The following JAKMIP1 variants were observed in gnomAD, a reference collection of about 807,000 sequenced individuals.
JAKMIP1 encodes janus kinase and microtubule interacting protein 1, also known as janus kinase and microtubule-interacting protein 1.
A neutral mutation model predicts 113.0 loss-of-function variants in JAKMIP1; 33 were observed. The ratio of observed to expected loss-of-function variants is 0.29; its 90% confidence interval spans 0.22 to 0.39. JAKMIP1 has a LOEUF of 0.39. JAKMIP1 is among the 10% of genes least tolerant of loss of function. The probability of loss-of-function intolerance (pLI) is 1.00; values close to 1 mark genes in which losing one functional copy is unlikely to be tolerated. For missense variants in JAKMIP1, 813 were observed against 1,080.5 expected (o/e 0.75, Z 3.47); for synonymous variants, 480 against 459.9 (o/e 1.04, Z -0.56).
chr4:6,193,327 GA>G lies in JAKMIP1; in HGVS notation c.-148+6925del, dbSNP rs1343212996. On this transcript the variant is annotated intron_variant, in intron 1 of 20. Transcript: ENST00000409021. The surrounding 1 kb of genome is among the most constrained non-coding windows in gnomAD (Gnocchi z 6.4). ...TGGTTTCTTTGCTCCTCAACTTGCAGACAGCCCATCGTGAGACTTTACCTTG... is the reference window on the plus strand; with the variant it reads ...TGGTTTCTTTGCTCCTCAACTTGCAGCAGCCCATCGTGAGACTTTACCTTG... Among the ~76,000 whole-genome samples the G allele has an allele frequency of 6.6e-6, 1 of 152,156 alleles. No individual in the cohort carries two copies. Among genetic ancestry groups the G allele is most frequent in the African/African-American group, 2.4e-5 (1 of 41,432 alleles).
chr4:6,030,341 C>G (rs1221382163), intron 19 of JAKMIP1, among the ~76,000 whole-genome samples: 1 of 152,138 alleles, frequency 6.6e-6, no homozygotes, highest in African/African-American at 2.4e-5. Flanking sequence ...GCACGTGGTA[C>G]CAGGGTGACC....
In JAKMIP1 at chr4:6,094,517, C is replaced by A. The variant is rs182633919; in HGVS notation, c.625-8888G>T. 3.2e-3 allele frequency among the ~76,000 whole-genome samples: 485 copies of A among 152,328 alleles called. 1 individual carries two copies. The highest frequency in any genetic ancestry group is 4.4e-3 in the Non-Finnish European group (302 of 68,028). ...TCCGGGGCCCCTGGGGTCTCAGGAA[C>A]TGCGGGCACCCAGCCTAGGCTGGTC... On this transcript the variant is annotated intron_variant, in intron 3 of 20. Coordinates refer to ENST00000409021, the MANE Select transcript of JAKMIP1 (RefSeq NM_001099433.2). This position sits in a 1 kb window ranked among gnomAD's most constrained non-coding sequence, Gnocchi z 4.2.
Position 6,141,572 on chromosome 4 carries a change from T to C in JAKMIP1, c.-147-28575A>G, listed in dbSNP as rs1002454230. Among the ~76,000 whole-genome samples, 1 of 152,234 alleles carries C rather than the reference T, an allele frequency of 6.6e-6. No individual in the cohort carries two copies. Among genetic ancestry groups the C allele is most frequent in the African/African-American group, 2.4e-5 (1 of 41,464 alleles). On this transcript the variant is annotated intron_variant, in intron 1 of 20. Coordinates refer to ENST00000409021, the MANE Select transcript of JAKMIP1 (RefSeq NM_001099433.2). This position sits in a 1 kb window ranked among gnomAD's most constrained non-coding sequence, Gnocchi z 9.4. The stretch of plus-strand genomic sequence containing the variant: ...TCCTTAGGACCCCCATAAATAATTT[T>C]ATGGGCAACAGCACCTATGCCCCAG...
chr4:6,026,412 A>C, intron 20 of JAKMIP1, 134 bp from the exon 21 acceptor site: 1 of 622,618 alleles, frequency 1.6e-6, no homozygotes, highest in South Asian at 2.1e-5. Flanking sequence ...GTTCGGAAAG[A>C]GAAATGGGAA....
chr4:6,062,209 T>C, intron 10 of JAKMIP1, 103 bp downstream of exon 10: 1 of 1,254,846 alleles, frequency 8.0e-7, no homozygotes. Context: ...CCTCTCAGAA[T>C]CCCCTCTGAG....
rs768265483 is a variant in JAKMIP1, at chr4:6,043,738, C to T, written c.2029-1511G>A. Among the ~76,000 whole-genome samples the T allele has an allele frequency of 1.7e-3, 262 of 150,520 alleles. 3 individuals are homozygous for T. The highest frequency in any genetic ancestry group is 1.2e-3 in the Non-Finnish European group (82 of 67,710). On this transcript the variant is annotated intron_variant, in intron 16 of 20. Coordinates refer to ENST00000409021, the MANE Select transcript of JAKMIP1 (RefSeq NM_001099433.2). Reference sequence around the variant, plus strand: ...TTCATATCTGAATCCTCCCCACACACCCCAAATTCCTTTCTGCCCCCCCAG... The same window carrying T: ...TTCATATCTGAATCCTCCCCACACATCCCAAATTCCTTTCTGCCCCCCCAG...
intron 3 of JAKMIP1, among the ~76,000 whole-genome samples, chr4:6,098,729 AGAAAGAGAAG>A (rs1712465277): frequency 0.056 from 751 of 13,304 alleles, 10 homozygotes; most frequent in Middle Eastern, 0.23. Context: ...AGAAAAAGAA[AGAAAGAGAAG>A]GAAGGAAGGA....
At position 6,193,944 on chromosome 4, in the gene JAKMIP1, G is replaced by A. The variant is rs1275244167; in HGVS notation, c.-148+6309C>T. Among the ~76,000 whole-genome samples the A allele has an allele frequency of 6.6e-6, 1 of 152,170 alleles. No homozygotes were observed. The highest frequency in any genetic ancestry group is 2.4e-5 in the African/African-American group (1 of 41,440). On this transcript the variant is annotated intron_variant, in intron 1 of 20. Transcript: ENST00000409021. The surrounding 1 kb of genome is among the most constrained non-coding windows in gnomAD (Gnocchi z 6.4). Reference sequence around the variant, plus strand: ...GACCATTGTGTTGTATACGCACCATGGAATACTACTCCGCCATGAAGAAGA... The same window carrying A: ...GACCATTGTGTTGTATACGCACCATAGAATACTACTCCGCCATGAAGAAGA...
intron 16 of JAKMIP1, among the ~76,000 whole-genome samples, chr4:6,045,778 G>A (rs1024695273): frequency 1.3e-5 from 2 of 152,126 alleles, no homozygotes; most frequent in Admixed American, 6.5e-5. Flanking sequence ...GCTGAAGCAC[G>A]AGAATCACTT....
At chr4:6,171,456 C>G (rs1309006919) in intron 1 of JAKMIP1, among the ~76,000 whole-genome samples, 1 of 152,084 alleles carries the variant, frequency 6.6e-6, no homozygotes, top group African/African-American at 2.4e-5. Flanking sequence ...ACCATCACCA[C>G]CACCATTATC....
chr4:6,173,401 T>C (rs994452657), intron 1 of JAKMIP1, among the ~76,000 whole-genome samples: 2 of 152,204 alleles, frequency 1.3e-5, no homozygotes, highest in Non-Finnish European at 1.5e-5. Flanking sequence ...GTCAAAAGCC[T>C]CTGGCTTTAT....
rs1720483570 is a variant in JAKMIP1, at chr4:6,143,804, GA to G, written c.-147-30808del. ...AACAGTTTTTTATTTAAATAGAGAA[GA>G]AAAAAGAACAATTTCTGGTCATCAG... On this transcript the variant is annotated intron_variant, in intron 1 of 20. Transcript: ENST00000409021. This position sits in a 1 kb window ranked among gnomAD's most constrained non-coding sequence, Gnocchi z 4.9. 6.6e-6 allele frequency among the ~76,000 whole-genome samples: 1 copy of G among 152,130 alleles called. No homozygotes were observed. The highest frequency in any genetic ancestry group is 1.5e-5 in the Non-Finnish European group (1 of 68,000).
intron 1 of JAKMIP1, among the ~76,000 whole-genome samples, chr4:6,172,803 C>T (rs1724892530): frequency 6.6e-6 from 1 of 152,188 alleles, no homozygotes; most frequent in Non-Finnish European, 1.5e-5. Flanking sequence ...GATGCCCCAC[C>T]CTGCCCCCGT....
chr4:6,172,623 C>T (rs558178373), intron 1 of JAKMIP1, among the ~76,000 whole-genome samples: 9 of 152,344 alleles, frequency 5.9e-5, no homozygotes, highest in African/African-American at 1.7e-4. Context: ...GGGATGGGAG[C>T]CCCTAATGGC....
chr4:6,075,885 C>T (rs1027282536), intron 8 of JAKMIP1, among the ~76,000 whole-genome samples: 1 of 152,170 alleles, frequency 6.6e-6, no homozygotes, highest in Non-Finnish European at 1.5e-5. Flanking sequence ...ATTCAGAAAT[C>T]AGGAAGAATG....
Position 6,105,620 on chromosome 4 carries a change from C to T in JAKMIP1, c.477G>A (p.Lys159=). 2 of 1,595,708 alleles carry T rather than the reference C, an allele frequency of 1.3e-6. No individual in the cohort carries two copies. Among genetic ancestry groups the T allele is most frequent in the East Asian group, 2.3e-5 (1 of 44,086 alleles). Residue 159 remains lysine (K), a synonymous_variant, in exon 3 of 21, where the codon AAG becomes AAA. Coordinates refer to ENST00000409021, the MANE Select transcript of JAKMIP1 (RefSeq NM_001099433.2). ...LRLQQEILEL[K]AARKQAEEAL... ...CCTCCTCTGCCTGCTTGCGCGCTGC[C>T]TTGAGCTCCAGGATCTCCTGCTGCA...
chr4:6,150,844 GT>G lies in JAKMIP1; in HGVS notation c.-147-37848del, dbSNP rs1721485755. On this transcript the variant is annotated intron_variant, in intron 1 of 20. Coordinates refer to ENST00000409021, the MANE Select transcript of JAKMIP1 (RefSeq NM_001099433.2). The surrounding 1 kb of genome is among the most constrained non-coding windows in gnomAD (Gnocchi z 4.8). ...CAAGCTCCTCCACTTGAGCAAGACA[GT>G]AATAATGTCTGCCACCGGAAGACAC... is the stretch of plus-strand genomic sequence containing the variant. Among the ~76,000 whole-genome samples, 1 of 152,198 alleles carries G rather than the reference GT, an allele frequency of 6.6e-6. No individual in the cohort carries two copies. Among genetic ancestry groups the G allele is most frequent in the Non-Finnish European group, 1.5e-5 (1 of 68,040 alleles).
intron 1 of JAKMIP1, among the ~76,000 whole-genome samples, chr4:6,177,951 A>G (rs1182812467): frequency 1.3e-5 from 2 of 151,852 alleles, no homozygotes; most frequent in Admixed American, 1.3e-4. Context: ...AACCCTAACC[A>G]CTCAATCTCA....
Position 6,140,119 on chromosome 4 carries a change from C to G in JAKMIP1, c.-147-27122G>C, listed in dbSNP as rs1298423826. ...GAGATGTACTGAGAATAGCTATGAA[C>G]TATTGTCCCAGTTTTTTGGAGACCA... On this transcript the variant is annotated intron_variant, in intron 1 of 20. Coordinates refer to ENST00000409021, the MANE Select transcript of JAKMIP1 (RefSeq NM_001099433.2). The surrounding 1 kb of genome is among the most constrained non-coding windows in gnomAD (Gnocchi z 9.4). 6.6e-6 allele frequency among the ~76,000 whole-genome samples: 1 copy of G among 152,150 alleles called. No individual in the cohort carries two copies. Among genetic ancestry groups the G allele is most frequent in the African/African-American group, 2.4e-5 (1 of 41,410 alleles).
Sources: allele counts gnomAD v4.1 joint callset (sites outside exome capture counted in the v4.1 genomes callset), GRCh38; gene constraint gnomAD v4.1.1; non-coding constraint Gnocchi (gnomAD v3.1); transcripts MANE v1.5; gene names NCBI Gene and HGNC (gene_info 2026-07-23, HGNC 2026-07-21).